MGAT4C: variants seen among roughly 807,000 people sequenced by gnomAD.
MGAT4C encodes alpha-1,3-mannosyl-glycoprotein 4-beta-N-acetylglucosaminyltransferase C.
Under a neutral mutation model 40.1 loss-of-function variants are expected in MGAT4C, and 19 were observed. The observed-to-expected ratio is 0.47, with a 90% CI of 0.33 to 0.70. The LOEUF is 0.70. MGAT4C is among the 30% of genes least tolerant of loss of function. MGAT4C has a pLI of 0.02. For missense variants in MGAT4C, 491 were observed against 563.2 expected, an observed-to-expected ratio of 0.87 and a Z score of 1.30; for synonymous variants, 181 against 187.1, an observed-to-expected ratio of 0.97 and a Z score of 0.27.
intron 2 of MGAT4C, among the ~76,000 whole-genome samples, chr12:86,461,849 G>A (rs918488499): frequency 1.1e-4 from 16 of 152,220 alleles, no homozygotes; most frequent in Admixed American, 4.6e-4. Flanking sequence ...GTGAATATTT[G>A]ACCTTCCACT....
intron 1 of MGAT4C, among the ~76,000 whole-genome samples, chr12:86,164,833 A>G (rs995863092): frequency 6.6e-6 from 1 of 152,174 alleles, no homozygotes. Context: ...AATTTAGGCC[A>G]TTTTAATGAG....
At chr12:86,281,774 G>A (rs1040190301) in intron 4 of MGAT4C, among the ~76,000 whole-genome samples, 3 of 151,780 alleles carry the variant, frequency 2.0e-5, no homozygotes, top group African/African-American at 7.3e-5. Context: ...TACTGTTTGT[G>A]GTAGGTTTTC....
intron 3 of MGAT4C, among the ~76,000 whole-genome samples, chr12:86,385,469 A>G (rs1418325491): frequency 1.3e-5 from 2 of 152,150 alleles, no homozygotes; most frequent in Admixed American, 1.3e-4. Flanking sequence ...GATGTCAGAG[A>G]AAGAAAAGAA....
intron 1 of MGAT4C, among the ~76,000 whole-genome samples, chr12:86,757,969 T>C (rs1951334830): frequency 1.3e-5 from 2 of 152,154 alleles, no homozygotes; most frequent in African/African-American, 2.4e-5. Flanking sequence ...ATATCACATA[T>C]AGTATCCTGA....
intron 1 of MGAT4C, among the ~76,000 whole-genome samples, chr12:86,750,091 G>A (rs1261323314): frequency 6.6e-6 from 1 of 151,828 alleles, no homozygotes; most frequent in Admixed American, 6.6e-5. Context: ...AGACAAATGG[G>A]AAGATTCTTG....
At chr12:86,040,224 A>T (rs1891666035) in intron 2 of MGAT4C, among the ~76,000 whole-genome samples, 1 of 152,196 alleles carries the variant, frequency 6.6e-6, no homozygotes, top group African/African-American at 2.4e-5. Context: ...GACCCACTTG[A>T]GGTGGCAGTG....
rs555770288 is a variant in MGAT4C, at chr12:86,316,597, C to T, written c.-57+17468G>A. Among the ~76,000 whole-genome samples the T allele has an allele frequency of 6.6e-5, 10 of 152,140 alleles. No individual in the cohort carries two copies. The East Asian group carries it at 1.7e-3, about 26-fold the overall frequency. On this transcript the variant is annotated intron_variant, in intron 4 of 7. Coordinates refer to the MGAT4C transcript ENST00000548651. Reference sequence around the variant, plus strand: ...AGATGCAGCTGAAGGCCATTATCCTCAGATAATTAATGCAGGTACAAAACA... The same window carrying T: ...AGATGCAGCTGAAGGCCATTATCCTTAGATAATTAATGCAGGTACAAAACA...
chr12:86,163,407 G>T (rs1885827655), intron 1 of MGAT4C, among the ~76,000 whole-genome samples: 1 of 152,034 alleles, frequency 6.6e-6, no homozygotes, highest in African/African-American at 2.4e-5. Flanking sequence ...ACACAGGCAG[G>T]TCTTGAACGA....
At chr12:86,674,486 G>A (rs190510802) in intron 2 of MGAT4C, among the ~76,000 whole-genome samples, 3 of 152,124 alleles carry the variant, frequency 2.0e-5, no homozygotes, top group East Asian at 1.9e-4. Flanking sequence ...ACCAGAGGTC[G>A]AGAGTTCGAG....
intron 1 of MGAT4C, among the ~76,000 whole-genome samples, chr12:86,158,329 T>G (rs912743400): frequency 6.6e-6 from 1 of 152,180 alleles, no homozygotes; most frequent in African/African-American, 2.4e-5. Context: ...TGACCATTTT[T>G]TACCTTTTAG....
At position 85,964,956 on chromosome 12, in the gene MGAT4C, C is replaced by T. The variant is rs935625865; in HGVS notation, c.*14333G>A. On this transcript the variant is annotated 3_prime_UTR_variant, in exon 5 of 5. Coordinates refer to ENST00000611864, the MANE Select transcript of MGAT4C (RefSeq NM_001351288.2). ...AGAAATGCAAATAAACTATTACTGA[C>T]CTCCCTTGGATTATGATGAAAACCG... 3.6e-4 allele frequency: 55 copies of T among 152,106 alleles called. 1 individual carries two copies. Among genetic ancestry groups the T allele is most frequent in the African/African-American group, 1.3e-3 (52 of 41,412 alleles). The allele number at this position is 152,106 out of a possible 1,614,324, so 9.4% of individuals were successfully genotyped here.
At chr12:86,408,606 A>C (rs1469232304) in intron 3 of MGAT4C, among the ~76,000 whole-genome samples, 1 of 149,756 alleles carries the variant, frequency 6.7e-6, no homozygotes, top group African/African-American at 2.4e-5. Flanking sequence ...TCCCATACCT[A>C]GAGTCTCTGT....
chr12:86,293,914 G>A (rs1312455506), intron 4 of MGAT4C, among the ~76,000 whole-genome samples: 2 of 152,068 alleles, frequency 1.3e-5, no homozygotes, highest in African/African-American at 4.8e-5. Flanking sequence ...CAGCAATGCG[G>A]AACTGTGAGT....
At chr12:86,811,336 A>ATTTTTTT (rs553885593) in intron 1 of MGAT4C, among the ~76,000 whole-genome samples, 9 of 106,946 alleles carry the variant, frequency 8.4e-5, no homozygotes, top group Non-Finnish European at 1.4e-4. Context: ...CACTCATAGT[A>ATTTTTTT]TTTTTTTTTT....
chr12:86,005,603 G>C (rs1416725970), intron 2 of MGAT4C, among the ~76,000 whole-genome samples: 1 of 152,158 alleles, frequency 6.6e-6, no homozygotes, highest in Admixed American at 6.5e-5. Context: ...GGGAAGATGG[G>C]CTATCTTGGG....
intron 3 of MGAT4C, among the ~76,000 whole-genome samples, chr12:86,425,932 C>T (rs1956916942): frequency 6.6e-6 from 1 of 151,750 alleles, no homozygotes; most frequent in Non-Finnish European, 1.5e-5. Context: ...AATTAATATG[C>T]CAATATTAAT....
At chr12:86,114,153 T>C (rs973253204) in intron 1 of MGAT4C, among the ~76,000 whole-genome samples, 3 of 151,946 alleles carry the variant, frequency 2.0e-5, no homozygotes, top group Non-Finnish European at 2.9e-5. Flanking sequence ...TCCCTGATGA[T>C]TGATTTTTGT....
chr12:86,394,561 TTATA>T (rs897030869), intron 3 of MGAT4C, among the ~76,000 whole-genome samples: 1 of 144,848 alleles, frequency 6.9e-6, no homozygotes, highest in East Asian at 1.9e-4. Flanking sequence ...ATTTATATAT[TTATA>T]TATATTTATA....
At chr12:86,300,853 T>C (rs1045989314) in intron 4 of MGAT4C, among the ~76,000 whole-genome samples, 14 of 152,108 alleles carry the variant, frequency 9.2e-5, no homozygotes, top group Admixed American at 7.2e-4. Flanking sequence ...TAAAAAGTTA[T>C]GTTAGATATG....
Sources: gnomAD v4.1 joint callset for allele counts (sites outside exome capture counted in the v4.1 genomes callset) on GRCh38, gnomAD v4.1.1 for gene constraint, MANE v1.5 for transcripts, NCBI Gene and HGNC (gene_info 2026-07-23, HGNC 2026-07-21) for gene names.